ACIN1: variants seen among roughly 807,000 people sequenced by gnomAD.
ACIN1 encodes the protein apoptotic chromatin condensation inducer in the nucleus.
ACIN1 carries 16 observed loss-of-function variants against 146.6 expected under a neutral mutation model. The ratio of observed to expected loss-of-function variants is 0.11; its 90% CI spans 0.07 to 0.17. ACIN1 has a LOEUF of 0.17. Among genes scored for constraint, ACIN1 ranks in the 10% least tolerant of loss-of-function variants. ACIN1 has a pLI of 1.00. For synonymous variants in ACIN1, 569 were observed against 582.7 expected, an observed-to-expected ratio of 0.98 and a Z score of 0.34; for missense variants, 1,357 against 1,609.3, an observed-to-expected ratio of 0.84 and a Z score of 2.68.
At chr14:23,085,814 C>T (rs891090305) in intron 4 of ACIN1, among the ~76,000 whole-genome samples, 2 of 152,126 alleles carry the variant, frequency 1.3e-5, no homozygotes, top group Admixed American at 1.3e-4. Flanking sequence ...AGACAGTGAG[C>T]GCTTTAGCTA....
intron 5 of ACIN1, among the ~76,000 whole-genome samples, chr14:23,081,070 T>C (rs2047932648): frequency 6.6e-6 from 1 of 151,944 alleles, no homozygotes; most frequent in Non-Finnish European, 1.5e-5. Context: ...TTTTTTTTTT[T>C]CAGTAAAATA....
In ACIN1 at chr14:23,064,132, C is replaced by T. The variant is rs2047378653; in HGVS notation, c.2568G>A (p.Gly856=). The part of the protein sequence containing the change: ...RNGDDGTHDK[G]LKICRTVTQV... ...GAGTGACTGTCCGGCATATTTTCAG[C>T]CCCTTGTCATGGGTCCCATCATCGC... Residue 856 remains glycine (G), a synonymous_variant, in exon 12 of 19, where the codon GGG becomes GGA. Coordinates refer to ENST00000605057, the MANE Select transcript of ACIN1 (RefSeq NM_001386863.1). 1 of 1,614,174 alleles carries T rather than the reference C, an allele frequency of 6.2e-7. No individual in the cohort carries two copies. Among genetic ancestry groups the T allele is most frequent in the South Asian group, 1.1e-5 (1 of 91,080 alleles).
intron 9 of ACIN1, 155 bp from the exon 10 acceptor site, chr14:23,066,163 C>A: frequency 1.7e-6 from 1 of 589,478 alleles, no homozygotes; most frequent in African/African-American, 1.9e-5. Flanking sequence ...CAGACAGAGA[C>A]CAAAACAGAA....
chr14:23,062,581 T>G (rs1647983035), intron 14 of ACIN1, 58 bp from the exon 15 acceptor site: 1 of 1,486,936 alleles, frequency 6.7e-7, no homozygotes, highest in Non-Finnish European at 9.4e-7. Context: ...CACCCAATCT[T>G]TAGATTTCCC....
Position 23,068,573 on chromosome 14 carries a change from G to C in ACIN1, c.2265+903C>G, listed in dbSNP as rs2140052717. The C allele has an allele frequency of 1.0e-6, 1 of 985,944 alleles. No individual in the cohort carries two copies. Among genetic ancestry groups the C allele is most frequent in the African/African-American group, 1.7e-5 (1 of 57,366 alleles). The allele number at this position is 985,944 out of a possible 1,614,324, so 61.1% of individuals were successfully genotyped here. ...TAGCAGACTTGGCTCTGATTGGGCA[G>C]CTCAGTAGCAGCGGGTGGGTCCAGA... On this transcript the variant is annotated intron_variant, in intron 9 of 18. Coordinates refer to ENST00000605057, the MANE Select transcript of ACIN1 (RefSeq NM_001386863.1). The surrounding 1 kb of genome is among the most constrained non-coding windows in gnomAD (Gnocchi z 4.3).
intron 5 of ACIN1, among the ~76,000 whole-genome samples, chr14:23,081,235 A>G (rs950515274): frequency 6.7e-6 from 1 of 149,824 alleles, no homozygotes; most frequent in Admixed American, 6.6e-5. Flanking sequence ...TACACTACAC[A>G]TAACATTTTT....
At chr14:23,095,241 C>G, upstream of ACIN1, 3 of 1,610,708 alleles carry the variant, frequency 1.9e-6, no homozygotes, top group Admixed American at 1.7e-5. Flanking sequence ...CCACTCAGAA[C>G]TCCCCGGGTT....
At chr14:23,089,904 T>G in intron 4 of ACIN1, 78 bp downstream of exon 4, 1 of 1,413,728 alleles carries the variant, frequency 7.1e-7, no homozygotes, top group Non-Finnish European at 9.4e-7. Context: ...AGGCTTAGCA[T>G]GAAAGGAGGT....
intron 4 of ACIN1, 84 bp downstream of exon 4, chr14:23,089,898 T>C: frequency 7.2e-7 from 1 of 1,397,496 alleles, no homozygotes; most frequent in East Asian, 2.4e-5. Flanking sequence ...TCATGGAGGC[T>C]TAGCATGAAA....
intron 4 of ACIN1, among the ~76,000 whole-genome samples, 198 bp downstream of exon 4, chr14:23,089,784 G>A (rs1319415549): frequency 1.3e-5 from 2 of 152,202 alleles, no homozygotes; most frequent in East Asian, 3.8e-4. Context: ...GTAAAACACT[G>A]AGAAGGTAAC....
chr14:23,064,079 C>T (rs2047376284), intron 12 of ACIN1, 26 bp downstream of exon 12: 1 of 1,613,072 alleles, frequency 6.2e-7, no homozygotes, highest in African/African-American at 1.3e-5. Flanking sequence ...CACCTTTCCC[C>T]TGACACTGGG....
Position 23,071,852 on chromosome 14 carries a change from T to C in ACIN1, c.2124-2235A>G, listed in dbSNP as rs77829016. On this transcript the variant is annotated intron_variant, in intron 8 of 18. Coordinates refer to ENST00000605057, the MANE Select transcript of ACIN1 (RefSeq NM_001386863.1). Reference sequence around the variant, plus strand: ...TGCTTGATTGGAAGATTCTAGAAAATAGAGAGAATAGAAGGCAGGCAAACA... The same window carrying C: ...TGCTTGATTGGAAGATTCTAGAAAACAGAGAGAATAGAAGGCAGGCAAACA... Among the ~76,000 whole-genome samples the C allele has an allele frequency of 2.6e-3, 389 of 151,478 alleles. 2 individuals are homozygous for C. The highest frequency in any genetic ancestry group is 4.2e-3 in the African/African-American group (174 of 41,248).
chr14:23,068,278 C>T lies in ACIN1; in HGVS notation c.2265+1198G>A. 5.1e-6 allele frequency: 5 copies of T among 985,932 alleles called. No homozygotes were observed. Among genetic ancestry groups the T allele is most frequent in the Non-Finnish European group, 6.0e-6 (5 of 829,964 alleles). The allele number at this position is 985,932 out of a possible 1,614,324, so 61.1% of individuals were successfully genotyped here. A position where few individuals can be genotyped will look rare whatever the true frequency, so the allele number is the denominator to read the frequency against. On this transcript the variant is annotated intron_variant, in intron 9 of 18. Coordinates refer to ENST00000605057, the MANE Select transcript of ACIN1 (RefSeq NM_001386863.1). The surrounding 1 kb of genome is among the most constrained non-coding windows in gnomAD (Gnocchi z 4.3). ...TTGGTGCCCTAGATGGGGATCCCAA[C>T]AGTCTGTAGCAAACAAGGCAACCCA... is the stretch of plus-strand genomic sequence containing the variant.
chr14:23,092,252 G>A (rs2048247825), intron 2 of ACIN1, among the ~76,000 whole-genome samples: 1 of 152,122 alleles, frequency 6.6e-6, no homozygotes, highest in Admixed American at 6.5e-5. Flanking sequence ...TATTAGTCAT[G>A]TTTCCTAAAC....
At chr14:23,063,734 T>C (rs2047363016) in intron 12 of ACIN1, among the ~76,000 whole-genome samples, 157 bp from the exon 13 acceptor site, 1 of 152,344 alleles carries the variant, frequency 6.6e-6, no homozygotes. Context: ...ATCCTGGGAT[T>C]GTTAGTGCCT....
Position 23,059,209 on chromosome 14 carries a change from T to C in ACIN1, c.3791A>G (p.Lys1264Arg), listed in dbSNP as rs765134012. ...CCGACTCCGGCTTCTGCTGTGGCGC[T>C]TGGTGTCCCTGCGATCCCTTTCCCT... ...RGRERDRRDT[K>R]RHSRSRSRST... The change falls in exon 19 of 19, where the codon AAG becomes AGG. Residue 1264 changes from lysine (K) to arginine (R), a missense_variant. Lys to Arg is a conservative substitution (Grantham distance 26, BLOSUM62 2). Transcript: ENST00000605057. 6 of 1,613,932 alleles carry C rather than the reference T, an allele frequency of 3.7e-6. No individual in the cohort carries two copies. In the South Asian group the frequency reaches 4.4e-5, roughly 12 times the overall value.
At chr14:23,066,271 C>T in intron 9 of ACIN1, 1 of 373,750 alleles carries the variant, frequency 2.7e-6, no homozygotes, top group Non-Finnish European at 4.9e-6. Flanking sequence ...CCGTATCACA[C>T]CTGTGTATTA....
intron 8 of ACIN1, among the ~76,000 whole-genome samples, chr14:23,072,716 C>T (rs1037089041): frequency 1.3e-5 from 2 of 152,202 alleles, no homozygotes; most frequent in African/African-American, 4.8e-5. Context: ...ATGAAATTTT[C>T]TCCCCGCTGC....
At chr14:23,071,196 A>G in intron 8 of ACIN1, 2 of 1,524,874 alleles carry the variant, frequency 1.3e-6, no homozygotes, top group South Asian at 1.3e-5. Context: ...TCTGGAATGG[A>G]AGAAATAACA....
Sources: allele counts gnomAD v4.1 joint callset (sites outside exome capture counted in the v4.1 genomes callset), GRCh38; gene constraint gnomAD v4.1.1; non-coding constraint Gnocchi (gnomAD v3.1); transcripts MANE v1.5; gene names NCBI Gene and HGNC (gene_info 2026-07-23, HGNC 2026-07-21).